TMTC2: variants seen among roughly 807,000 people sequenced by gnomAD.
TMTC2 encodes the protein transmembrane O-mannosyltransferase targeting cadherins 2, also known as protein O-mannosyl-transferase TMTC2.
A neutral mutation model predicts 82.4 loss-of-function variants in TMTC2; 43 were observed. That is an observed-to-expected ratio of 0.52 (90% confidence interval 0.41 to 0.67). The LOEUF is 0.67. Among genes scored for constraint, TMTC2 ranks in the 30% least tolerant of loss-of-function variants. TMTC2 has a pLI of 0.00. For missense variants in TMTC2, 919 were observed against 1,012.4 expected, an observed-to-expected ratio of 0.91 and a Z score of 1.25; for synonymous variants, 408 against 381.9, an observed-to-expected ratio of 1.07 and a Z score of -0.80.
chr12:82,957,348 G>A (rs1250223857), intron 4 of TMTC2, among the ~76,000 whole-genome samples: 1 of 152,054 alleles, frequency 6.6e-6, no homozygotes, highest in East Asian at 1.9e-4. Context: ...AAACAAAGAT[G>A]CAACATACTA....
At chr12:83,055,600 G>A (rs1882507682) in intron 10 of TMTC2, among the ~76,000 whole-genome samples, 2 of 151,958 alleles carry the variant, frequency 1.3e-5, no homozygotes, top group South Asian at 4.1e-4. Context: ...CCAAAGAACT[G>A]GAAGCTGGAG....
intron 7 of TMTC2, among the ~76,000 whole-genome samples, chr12:82,980,155 T>G (rs12582558): frequency 6.6e-6 from 1 of 151,792 alleles, no homozygotes; most frequent in Non-Finnish European, 1.5e-5. Flanking sequence ...TTTCAATAGG[T>G]AGATAAACCA....
At chr12:82,748,452 T>G (rs1050108193) in intron 1 of TMTC2, among the ~76,000 whole-genome samples, 1 of 152,208 alleles carries the variant, frequency 6.6e-6, no homozygotes, top group Non-Finnish European at 1.5e-5. Context: ...ACTAATGGTA[T>G]GATGGTGTAC....
chr12:82,974,386 T>C (rs1447502280), intron 7 of TMTC2, among the ~76,000 whole-genome samples: 1 of 152,166 alleles, frequency 6.6e-6, no homozygotes, highest in Non-Finnish European at 1.5e-5. Flanking sequence ...ACCTGGAAAA[T>C]TCATTAATTG....
rs573702658 is a variant in TMTC2 at position 82,872,008 on chromosome 12, C to G, written c.654+14428C>G. ...TATTACAAAAAAGTTGAACAACACC[C>G]CCCCCCCCGCCCACACCCCGCAGTT... On this transcript the variant is annotated intron_variant, in intron 2 of 11. Coordinates refer to ENST00000321196, the MANE Select transcript of TMTC2 (RefSeq NM_152588.3). 7.2e-5 allele frequency among the ~76,000 whole-genome samples: 7 copies of G among 96,750 alleles called. No individual in the cohort carries two copies. In the South Asian group the frequency reaches 1.8e-3, roughly 26 times the overall value. The allele number at this position is 96,750 out of a possible 152,430, so 63.5% of individuals were successfully genotyped here.
intron 1 of TMTC2, among the ~76,000 whole-genome samples, chr12:82,718,406 C>T (rs1040919010): frequency 6.6e-6 from 1 of 152,082 alleles, no homozygotes; most frequent in Non-Finnish European, 1.5e-5. Flanking sequence ...CTCATATCAC[C>T]GTTGTAAATC....
intron 1 of TMTC2, among the ~76,000 whole-genome samples, chr12:82,781,425 GA>G (rs1041938858): frequency 2.7e-5 from 3 of 110,444 alleles, no homozygotes; most frequent in African/African-American, 7.3e-5. Context: ...TTTTTTAGCA[GA>G]AAAAAAATCT....
intron 1 of TMTC2, among the ~76,000 whole-genome samples, chr12:82,762,010 A>G (rs1480182926): frequency 8.4e-6 from 1 of 118,928 alleles, no homozygotes; most frequent in Non-Finnish European, 1.6e-5. Context: ...TCTGTTGCCC[A>G]GGCTGGGGTG....
rs188483626 is a variant in TMTC2 at position 83,069,061 on chromosome 12, G to A, written c.2331+7230G>A. 9.2e-3 allele frequency among the ~76,000 whole-genome samples: 1,403 copies of A among 152,248 alleles called. 7 individuals are homozygous for A. Among genetic ancestry groups the A allele is most frequent in the Middle Eastern group, 0.014 (4 of 294 alleles). On this transcript the variant is annotated intron_variant, in intron 11 of 11. Coordinates refer to ENST00000321196, the MANE Select transcript of TMTC2 (RefSeq NM_152588.3). The stretch of plus-strand genomic sequence containing the variant: ...ATTCATTTGTTTTTATGGCTGTGTA[G>A]TATTCCATCATATACATATACCACA...
At chr12:82,827,348 A>G (rs1009133338) in intron 1 of TMTC2, among the ~76,000 whole-genome samples, 1 of 152,190 alleles carries the variant, frequency 6.6e-6, no homozygotes, top group Non-Finnish European at 1.5e-5. Flanking sequence ...GCAGTTGAGG[A>G]AAATTGGACT....
At chr12:82,922,221 C>A (rs919222888) in intron 3 of TMTC2, among the ~76,000 whole-genome samples, 1 of 151,962 alleles carries the variant, frequency 6.6e-6, no homozygotes, top group Non-Finnish European at 1.5e-5. Flanking sequence ...AATGAATACA[C>A]CAATAAAATA....
At chr12:82,978,073 A>G (rs1878759586) in intron 7 of TMTC2, among the ~76,000 whole-genome samples, 1 of 151,802 alleles carries the variant, frequency 6.6e-6, no homozygotes, top group Non-Finnish European at 1.5e-5. Flanking sequence ...TCAGTCTTAT[A>G]AAATTATGAT....
rs1484918503 is a variant in TMTC2, at chr12:82,687,037, T to C, written c.-550T>C. On this transcript the variant is annotated 5_prime_UTR_variant, in exon 1 of 12. Coordinates refer to ENST00000321196, the MANE Select transcript of TMTC2 (RefSeq NM_152588.3). ...AACATTGAATGTGCAGCAGCTGCCT[T>C]GGCGGCCGGAGTCCGCCCGAGCGAC... 6.2e-6 allele frequency: 1 copy of C among 161,270 alleles called. No homozygotes were observed. 10.0% of individuals were successfully genotyped at this position (161,270 alleles called of 1,614,324 possible). A position where few individuals can be genotyped will look rare whatever the true frequency, so the allele number is the denominator to read the frequency against.
At chr12:82,927,269 T>G (rs1875774572) in intron 3 of TMTC2, among the ~76,000 whole-genome samples, 1 of 152,188 alleles carries the variant, frequency 6.6e-6, no homozygotes, top group Non-Finnish European at 1.5e-5. Context: ...TCCTTATGGA[T>G]ACCTTTGAGG....
At chr12:82,775,086 A>G (rs570496819) in intron 1 of TMTC2, among the ~76,000 whole-genome samples, 3 of 152,148 alleles carry the variant, frequency 2.0e-5, no homozygotes, top group South Asian at 2.1e-4. Flanking sequence ...TAGTAACACA[A>G]TTTAACCACA....
At chr12:82,898,965 T>A (rs1873821273) in intron 3 of TMTC2, among the ~76,000 whole-genome samples, 1 of 152,226 alleles carries the variant, frequency 6.6e-6, no homozygotes, top group African/African-American at 2.4e-5. Context: ...CATTAGCTGG[T>A]ATTTTTGCTG....
chr12:82,885,698 A>T (rs566839389), intron 2 of TMTC2, among the ~76,000 whole-genome samples: 5 of 152,266 alleles, frequency 3.3e-5, no homozygotes, highest in African/African-American at 1.2e-4. Flanking sequence ...GAGGAAGAAC[A>T]TACATGTAAA....
chr12:82,989,103 A>G (rs974826467), intron 8 of TMTC2, among the ~76,000 whole-genome samples: 1 of 151,858 alleles, frequency 6.6e-6, no homozygotes, highest in Non-Finnish European at 1.5e-5. Context: ...AGAAAAAAAG[A>G]AACCAAAAAA....
In TMTC2 at chr12:82,763,262, CAG is replaced by C. The variant is rs1373621202; in HGVS notation, c.83+75595_83+75596del. The stretch of plus-strand genomic sequence containing the variant: ...ACAAACTGAATAGAAGACAGAAAGA[CAG>C]AAAGTAACATGGTAGAACTAACAGA... On this transcript the variant is annotated intron_variant, in intron 1 of 11. Transcript: ENST00000321196. Among the ~76,000 whole-genome samples, 16 of 59,506 alleles carry C rather than the reference CAG, an allele frequency of 2.7e-4. No homozygotes were observed. The Admixed American group carries it at 3.7e-3, about 14-fold the overall frequency. The allele number at this position is 59,506 out of a possible 152,430, so 39.0% of individuals were successfully genotyped here. A position where few individuals can be genotyped will look rare whatever the true frequency, so the allele number is the denominator to read the frequency against.
Sources: allele counts gnomAD v4.1 joint callset (sites outside exome capture counted in the v4.1 genomes callset), GRCh38; gene constraint gnomAD v4.1.1; transcripts MANE v1.5; gene names NCBI Gene and HGNC (gene_info 2026-07-23, HGNC 2026-07-21).